The following KDM4B variants were observed in gnomAD, a reference collection of about 807,000 sequenced individuals.
The protein encoded by KDM4B is lysine demethylase 4B.
Under a neutral mutation model 125.2 loss-of-function variants are expected in KDM4B, and 32 were observed. The ratio of observed to expected loss-of-function variants is 0.26; its 90% CI spans 0.19 to 0.34. KDM4B has a LOEUF of 0.34. Among genes scored for constraint, KDM4B ranks in the 10% least tolerant of loss-of-function variants. KDM4B has a pLI of 1.00. For synonymous variants in KDM4B, 721 were observed against 677.9 expected (o/e 1.06, Z -0.99); for missense variants, 1,190 against 1,577.7 (o/e 0.75, Z 4.16).
At chr19:4,998,918 C>G (rs2145418016) in intron 1 of KDM4B, among the ~76,000 whole-genome samples, 1 of 152,310 alleles carries the variant, frequency 6.6e-6, no homozygotes, top group Middle Eastern at 3.4e-3. Flanking sequence ...TGCGCCCTAT[C>G]AGGAGGCCCA....
chr19:5,119,998 G>A (rs1459984369), intron 11 of KDM4B, 146 bp downstream of exon 11: 7 of 1,076,478 alleles, frequency 6.5e-6, no homozygotes, highest in Admixed American at 2.9e-5. Flanking sequence ...GGGGCATTTC[G>A]TGAAAATAGA....
rs1285532280 is a variant in KDM4B at position 4,997,086 on chromosome 19, T to C, written c.-108-19171T>C. Reference sequence around the variant, plus strand: ...CACCCCCTCCACGCCAGCACCACCCTCAGTCGTGACAGCCATAAATGTCCC... The same window carrying C: ...CACCCCCTCCACGCCAGCACCACCCCCAGTCGTGACAGCCATAAATGTCCC... On this transcript the variant is annotated intron_variant, in intron 1 of 22. Coordinates refer to ENST00000159111, the MANE Select transcript of KDM4B (RefSeq NM_015015.3). The surrounding 1 kb of genome is among the most constrained non-coding windows in gnomAD (Gnocchi z 4.2). Among the ~76,000 whole-genome samples the C allele has an allele frequency of 6.6e-6, 1 of 152,168 alleles. No homozygotes were observed. The highest frequency in any genetic ancestry group is 1.9e-4 in the East Asian group (1 of 5,198).
At chr19:4,996,858 T>A (rs1428157054) in intron 1 of KDM4B, among the ~76,000 whole-genome samples, 2 of 152,222 alleles carry the variant, frequency 1.3e-5, no homozygotes, top group Admixed American at 1.3e-4. Flanking sequence ...TATCTTGAGC[T>A]GGGTCCTTCT....
intron 6 of KDM4B, among the ~76,000 whole-genome samples, chr19:5,057,059 T>C (rs1357297512): frequency 7.5e-6 from 1 of 133,930 alleles, no homozygotes; most frequent in Non-Finnish European, 1.7e-5. Flanking sequence ...TGTGTGTGTG[T>C]GTGTGTGCGC....
intron 1 of KDM4B, among the ~76,000 whole-genome samples, chr19:4,973,497 C>T (rs1314670352): frequency 6.6e-6 from 1 of 152,114 alleles, no homozygotes; most frequent in Non-Finnish European, 1.5e-5. Context: ...CCAAGTTGCA[C>T]ATACTTTTAC....
At chr19:5,146,493 C>T (rs2039848197) in intron 21 of KDM4B, among the ~76,000 whole-genome samples, 1 of 152,258 alleles carries the variant, frequency 6.6e-6, no homozygotes, top group African/African-American at 2.4e-5. Flanking sequence ...GGGGGAGGCT[C>T]AGGCAGCTCC....
rs568111582 is a variant in KDM4B, at chr19:5,141,779, A to C, written c.2551-2188A>C. ...CGTGCTGCTGAGAAGCTTCTCACCT[A>C]CCGGCTGGGCAGGTTCCTGGCAGCA... On this transcript the variant is annotated intron_variant, in intron 18 of 22. Transcript: ENST00000159111. This position sits in a 1 kb window ranked among gnomAD's most constrained non-coding sequence, Gnocchi z 6.4. Among the ~76,000 whole-genome samples the C allele has an allele frequency of 6.6e-6, 1 of 151,766 alleles. No homozygotes were observed. The highest frequency in any genetic ancestry group is 2.4e-5 in the African/African-American group (1 of 41,414).
At chr19:5,017,126 C>G (rs1203964796) in intron 2 of KDM4B, among the ~76,000 whole-genome samples, 1 of 152,210 alleles carries the variant, frequency 6.6e-6, no homozygotes, top group Non-Finnish European at 1.5e-5. Flanking sequence ...GGGGCCCATC[C>G]AGGGCCCCCT....
chr19:5,017,835 G>A (rs2035940657), intron 2 of KDM4B, among the ~76,000 whole-genome samples: 1 of 151,656 alleles, frequency 6.6e-6, no homozygotes, highest in Non-Finnish European at 1.5e-5. Flanking sequence ...CCGCCTCCCG[G>A]GTTCACGCCA....
intron 2 of KDM4B, among the ~76,000 whole-genome samples, chr19:5,019,228 G>C (rs2035992225): frequency 6.7e-6 from 1 of 149,430 alleles, no homozygotes; most frequent in Non-Finnish European, 1.5e-5. Context: ...ATGTTGGTGT[G>C]GGTGTTGGTG....
In KDM4B at chr19:5,144,140, G is replaced by T; in HGVS notation, c.2724G>T (p.Ser908=). 6.3e-7 allele frequency: 1 copy of T among 1,595,554 alleles called. No individual in the cohort carries two copies. The highest frequency in any genetic ancestry group is 8.6e-7 in the Non-Finnish European group (1 of 1,166,486). The part of the protein sequence containing the change: ...VVSITCLKHK[S]GGHAVQLLRA... Reference sequence around the variant, plus strand: ...CCATCACCTGCCTCAAGCACAAGTCGGGGGGTCACGCTGTGAGTGCCTGCC... The same window carrying T: ...CCATCACCTGCCTCAAGCACAAGTCTGGGGGTCACGCTGTGAGTGCCTGCC... Residue 908 remains serine, a synonymous_variant, in exon 19 of 23, where the codon TCG becomes TCT. Transcript: ENST00000159111.
intron 2 of KDM4B, among the ~76,000 whole-genome samples, chr19:5,025,653 C>T (rs1175741449): frequency 6.6e-6 from 1 of 152,248 alleles, no homozygotes; most frequent in Admixed American, 6.5e-5. Flanking sequence ...CCTGCCGCCT[C>T]CTCTGCGCTC....
chr19:5,142,334 G>A lies in KDM4B; in HGVS notation c.2551-1633G>A, dbSNP rs751342779. Among the ~76,000 whole-genome samples, 13 of 152,154 alleles carry A rather than the reference G, an allele frequency of 8.5e-5. No individual in the cohort carries two copies. Among genetic ancestry groups the A allele is most frequent in the African/African-American group, 1.9e-4 (8 of 41,446 alleles). ...AGGAAGGGAGGTGACGGCCAAGAAC[G>A]CCTGCCCGACCTCCTGTGGCCACAG... On this transcript the variant is annotated intron_variant, in intron 18 of 22. Coordinates refer to ENST00000159111, the MANE Select transcript of KDM4B (RefSeq NM_015015.3). This position sits in a 1 kb window ranked among gnomAD's most constrained non-coding sequence, Gnocchi z 5.4.
intron 1 of KDM4B, among the ~76,000 whole-genome samples, chr19:5,013,242 G>A (rs1156695458): frequency 1.3e-5 from 2 of 152,186 alleles, no homozygotes; most frequent in African/African-American, 4.8e-5. Flanking sequence ...GTGCAGCGGG[G>A]GAGAGAGCTG....
intron 11 of KDM4B, among the ~76,000 whole-genome samples, chr19:5,121,491 C>T (rs980488892): frequency 2.0e-5 from 3 of 152,134 alleles, no homozygotes; most frequent in Non-Finnish European, 4.4e-5. Flanking sequence ...GGGGATCGAG[C>T]GGAGCTGCCA....
chr19:4,996,708 T>G (rs2035212684), intron 1 of KDM4B, among the ~76,000 whole-genome samples: 1 of 152,216 alleles, frequency 6.6e-6, no homozygotes, highest in African/African-American at 2.4e-5. Flanking sequence ...CTGCCCCTCC[T>G]TATAACCTGT....
chr19:5,146,725 G>C (rs997229183), intron 21 of KDM4B, among the ~76,000 whole-genome samples: 1 of 146,844 alleles, frequency 6.8e-6, no homozygotes, highest in Non-Finnish European at 1.5e-5. Flanking sequence ...CTAAGAGTTC[G>C]AGACCAGCCT....
chr19:4,997,876 G>A lies in KDM4B; in HGVS notation c.-108-18381G>A, dbSNP rs189275030. Among the ~76,000 whole-genome samples, 76 of 152,402 alleles carry A rather than the reference G, an allele frequency of 5.0e-4. 1 individual carries two copies. Among genetic ancestry groups the A allele is most frequent in the African/African-American group, 1.7e-3 (71 of 41,602 alleles). On this transcript the variant is annotated intron_variant, in intron 1 of 22. Transcript: ENST00000159111. The surrounding 1 kb of genome is among the most constrained non-coding windows in gnomAD (Gnocchi z 4.2). The stretch of plus-strand genomic sequence containing the variant: ...CCAGGGCCAGGAGTGAGGGGCGGAC[G>A]TGCCACTCTGCACTGCTGTCCCTCT...
intron 5 of KDM4B, among the ~76,000 whole-genome samples, chr19:5,043,509 A>T (rs2036902722): frequency 7.2e-6 from 1 of 138,370 alleles, no homozygotes; most frequent in African/African-American, 2.9e-5. Flanking sequence ...TGTTTATCGG[A>T]GTGGGGGTGT....
Sources: gnomAD v4.1 joint callset for allele counts (sites outside exome capture counted in the v4.1 genomes callset) on GRCh38, gnomAD v4.1.1 for gene constraint, Gnocchi (gnomAD v3.1) non-coding constraint, MANE v1.5 for transcripts, NCBI Gene and HGNC (gene_info 2026-07-23, HGNC 2026-07-21) for gene names.